The following XCL1 variants were observed in gnomAD, a reference collection of about 807,000 sequenced individuals.
XCL1 encodes lymphotactin.
In XCL1, 6 loss-of-function variants were observed where a neutral mutation model predicts 7.4. That is an observed-to-expected ratio of 0.82 (90% CI 0.45 to 1.61). The LOEUF (loss-of-function observed/expected upper bound fraction) is 1.61, where lower values mean the gene tolerates loss of function less well. Ranked by LOEUF, XCL1 falls within the 40% of genes most tolerant of loss-of-function variation. XCL1 has a pLI of 0.01. For synonymous variants in XCL1, 48 were observed against 52.4 expected, an observed-to-expected ratio of 0.92 and a Z score of 0.36; for missense variants, 122 against 138.2, an observed-to-expected ratio of 0.88 and a Z score of 0.59.
rs61546281 is a variant in XCL1 at position 168,580,087 on chromosome 1, A to G, written c.86A>G (p.Lys29Arg). Residue 29 changes from lysine (K) to arginine (R), a missense_variant, in exon 2 of 3, where the codon AAG (lysine) becomes AGG (arginine). Lys to Arg is a conservative substitution (Grantham distance 26). Coordinates refer to ENST00000367818, the MANE Select transcript of XCL1 (RefSeq NM_002995.3). ...GGTGTAGGGAGTGAAGTCTCAGATA[A>G]GAGGACCTGTGTGAGCCTCACTACC... ...VEGVGSEVSDKRTCVSLTTQR... is the reference protein window; with the variant it reads ...VEGVGSEVSDRRTCVSLTTQR... 9,371 of 1,611,580 alleles carry G rather than the reference A, an allele frequency of 5.8e-3. 393 individuals are homozygous for G. In the African/African-American group the frequency reaches 0.094, roughly 16 times the overall value.
At chr1:168,580,017 T>C in intron 1 of XCL1, 46 bp from the exon 2 acceptor site, 1 of 1,574,928 alleles carries the variant, frequency 6.3e-7, no homozygotes, top group Non-Finnish European at 8.7e-7. Flanking sequence ...GTGATCTGGA[T>C]AATTGCTTTA....
chr1:168,578,444 A>T (rs2101835895), intron 1 of XCL1, among the ~76,000 whole-genome samples: 1 of 152,296 alleles, frequency 6.6e-6, no homozygotes, highest in Non-Finnish European at 1.5e-5. Flanking sequence ...CCCAACCCTT[A>T]ACAGTATTAA....
At chr1:168,578,934 T>A (rs1267551412) in intron 1 of XCL1, 6 of 368,506 alleles carry the variant, frequency 1.6e-5, no homozygotes, top group Admixed American at 1.1e-4. Context: ...AGACAGAAAG[T>A]TAACCAGCTT....
intron 1 of XCL1, among the ~76,000 whole-genome samples, chr1:168,577,051 G>A (rs1251489608): frequency 6.6e-6 from 1 of 152,176 alleles, no homozygotes; most frequent in Non-Finnish European, 1.5e-5. Flanking sequence ...AATAACATCA[G>A]ATTTCCTTAC....
intron 1 of XCL1, chr1:168,578,695 G>T: frequency 3.1e-6 from 1 of 325,556 alleles, no homozygotes; most frequent in Non-Finnish European, 5.8e-6. Flanking sequence ...GCTATTTCCA[G>T]CTTGGCATTG....
intron 1 of XCL1, 36 bp downstream of exon 1, chr1:168,576,734 G>T (rs1416971050): frequency 1.9e-6 from 3 of 1,613,470 alleles, no homozygotes; most frequent in Non-Finnish European, 2.5e-6. Flanking sequence ...TAAAGAACAG[G>T]GAGGCAAGGC....
intron 2 of XCL1, 137 bp downstream of exon 2, chr1:168,580,314 T>C (rs1655131724): frequency 1.1e-6 from 1 of 945,388 alleles, no homozygotes; most frequent in East Asian, 2.5e-5. Context: ...ACCTCTTTAG[T>C]TTTCCTTATC....
In XCL1 at chr1:168,580,101, A is replaced by T; in HGVS notation, c.100A>T (p.Ser34Cys). The T allele has an allele frequency of 2.5e-6, 4 of 1,613,828 alleles. No individual in the cohort carries two copies. The highest frequency in any genetic ancestry group is 3.4e-6 in the Non-Finnish European group (4 of 1,179,836). The change falls in exon 2 of 3, where the codon AGC becomes TGC. Residue 34 changes from serine to cysteine, a missense_variant. Transcript: ENST00000367818. ...SEVSDKRTCV[S>C]LTTQRLPVSR... ...AGTCTCAGATAAGAGGACCTGTGTG[A>T]GCCTCACTACCCAGCGACTGCCGGT...
intron 1 of XCL1, chr1:168,578,990 TC>T (rs1442092115): frequency 2.5e-6 from 1 of 402,438 alleles, no homozygotes; most frequent in African/African-American, 2.1e-5. Flanking sequence ...CTTCTTCTTT[TC>T]CAGCAAGGTG....
chr1:168,576,757 A>G, intron 1 of XCL1, 59 bp downstream of exon 1: 1 of 1,612,386 alleles, frequency 6.2e-7, no homozygotes. Context: ...GTGGGCACAC[A>G]TTTTGGGTTT....
Position 168,581,352 on chromosome 1 carries a change from A to C in XCL1, c.*132A>C, listed in dbSNP as rs188307215. 437 of 1,170,832 alleles carry C rather than the reference A, an allele frequency of 3.7e-4. 2 individuals carry two copies. The South Asian group carries it at 5.4e-3, about 15-fold the overall frequency. 72.5% of individuals were successfully genotyped at this position (1,170,832 alleles called of 1,614,324 possible). A position where few individuals can be genotyped will look rare whatever the true frequency, so the allele number is the denominator to read the frequency against. On this transcript the variant is annotated 3_prime_UTR_variant, in exon 3 of 3. Coordinates refer to ENST00000367818, the MANE Select transcript of XCL1 (RefSeq NM_002995.3). ...TTATTCCTTTGTATTTTTACTTTTA[A>C]ATGTCTTCTGTATTCACTTATATGT... is the stretch of plus-strand genomic sequence containing the variant.
chr1:168,577,387 T>A (rs896928423), intron 1 of XCL1, among the ~76,000 whole-genome samples: 1 of 152,190 alleles, frequency 6.6e-6, no homozygotes, highest in African/African-American at 2.4e-5. Context: ...GAACATACAA[T>A]AATAACTACT....
intron 1 of XCL1, among the ~76,000 whole-genome samples, chr1:168,576,994 G>C (rs1224560266): frequency 2.0e-5 from 3 of 152,164 alleles, no homozygotes; most frequent in African/African-American, 7.2e-5. Context: ...TAGTATAACA[G>C]ACATGATCAC....
intron 1 of XCL1, among the ~76,000 whole-genome samples, chr1:168,578,414 G>A (rs893816730): frequency 6.6e-6 from 1 of 152,174 alleles, no homozygotes; most frequent in Non-Finnish European, 1.5e-5. Flanking sequence ...TCAGCACTTA[G>A]AAACTTGGAT....
At chr1:168,579,940 C>T (rs1252216363) in intron 1 of XCL1, 123 bp from the exon 2 acceptor site, 10 of 955,830 alleles carry the variant, frequency 1.0e-5, no homozygotes, top group Non-Finnish European at 3.0e-6. Context: ...TCCTCTCTTC[C>T]CCCAAAAAGC....
In XCL1 at chr1:168,580,044, GT is replaced by G. The variant is rs577003542; in HGVS notation, c.62-10del. 7.0e-5 allele frequency: 107 copies of G among 1,532,154 alleles called. No individual in the cohort carries two copies. The highest frequency in any genetic ancestry group is 3.0e-4 in the Admixed American group (17 of 56,492). The allele number at this position is 1,532,154 out of a possible 1,614,324, so 94.9% of individuals were successfully genotyped here. ...ATTGCTTTATTTTTAATTGTCTGTTGTTTTTTTTTCCTCACCAGGTGTAGGG... is the reference window on the plus strand; with the variant it reads ...ATTGCTTTATTTTTAATTGTCTGTTGTTTTTTTTCCTCACCAGGTGTAGGG... On this transcript the variant is annotated intron_variant, in intron 1 of 2. Coordinates refer to ENST00000367818, the MANE Select transcript of XCL1 (RefSeq NM_002995.3).
At chr1:168,579,091 C>T (rs536886389) in intron 1 of XCL1, 2 of 428,270 alleles carry the variant, frequency 4.7e-6, no homozygotes, top group South Asian at 1.8e-5. Context: ...CCTGGGCCAA[C>T]AGTCTCTGCT....
intron 1 of XCL1, chr1:168,578,658 A>T (rs2101836115): frequency 3.7e-6 from 1 of 271,736 alleles, no homozygotes; most frequent in South Asian, 4.4e-5. Context: ...CATTTAACCC[A>T]GTTTAGTGGC....
intron 1 of XCL1, among the ~76,000 whole-genome samples, 166 bp downstream of exon 1, chr1:168,576,864 C>T (rs1019158651): frequency 3.9e-5 from 6 of 152,064 alleles, no homozygotes; most frequent in Non-Finnish European, 7.4e-5. Flanking sequence ...TAGAGGGCTT[C>T]GTAAACTTCC....
Sources: allele counts gnomAD v4.1 joint callset (sites outside exome capture counted in the v4.1 genomes callset), GRCh38; gene constraint gnomAD v4.1.1; transcripts MANE v1.5; gene names NCBI Gene and HGNC (gene_info 2026-07-23, HGNC 2026-07-21).